Variants in DMRT1 observed in about 807,000 individuals in gnomAD.
The protein encoded by DMRT1 is doublesex- and mab-3-related transcription factor 1.
Under a neutral mutation model 32.3 loss-of-function variants are expected in DMRT1, and 7 were observed. That is an observed-to-expected ratio of 0.22 (90% CI 0.12 to 0.41). The LOEUF (loss-of-function observed/expected upper bound fraction) is 0.41. Ranked by LOEUF, DMRT1 falls within the 10% of genes least tolerant of loss-of-function variation. DMRT1 has a pLI of 1.00. For synonymous variants in DMRT1, 278 were observed against 206.1 expected (o/e 1.35, Z -2.99); for missense variants, 625 against 500.5 (o/e 1.25, Z -2.37).
chr9:935,202 T>A (rs1288650214), intron 4 of DMRT1, among the ~76,000 whole-genome samples: 1 of 152,196 alleles, frequency 6.6e-6, no homozygotes, highest in African/African-American at 2.4e-5. Flanking sequence ...TGTAGCTGCT[T>A]ATATGTAAGA....
At chr9:864,779 C>CGT in intron 2 of DMRT1, among the ~76,000 whole-genome samples, 1 of 152,234 alleles carries the variant, frequency 6.6e-6, no homozygotes, top group South Asian at 2.1e-4. Flanking sequence ...GGATTACAGG[C>CGT]GTGAGCCACC....
chr9:854,068 C>T (rs903319859), intron 2 of DMRT1, among the ~76,000 whole-genome samples: 1 of 151,810 alleles, frequency 6.6e-6, no homozygotes, highest in African/African-American at 2.4e-5. Flanking sequence ...TGCTTCAGCT[C>T]CCAAAGTGCT....
intron 2 of DMRT1, among the ~76,000 whole-genome samples, chr9:862,794 C>G (rs190979836): frequency 1.1e-4 from 16 of 152,202 alleles, no homozygotes; most frequent in Non-Finnish European, 1.8e-4. Context: ...GCAGCCAGCA[C>G]TAGGTGGTTG....
chr9:919,906 A>G (rs781131673), intron 4 of DMRT1, among the ~76,000 whole-genome samples: 1 of 152,206 alleles, frequency 6.6e-6, no homozygotes, highest in African/African-American at 2.4e-5. Flanking sequence ...AGAGGAGTGA[A>G]GGATGACTCC....
chr9:847,596 T>G lies in DMRT1; in HGVS notation c.538+453T>G, dbSNP rs117332670. On this transcript the variant is annotated intron_variant, in intron 2 of 4. Coordinates refer to ENST00000382276, the MANE Select transcript of DMRT1 (RefSeq NM_021951.3). ...AGTAACACCGGAAGGAAGGCCACGTTGGCTTGAATTCTCTCCCCTGGGTGC... is the reference window on the plus strand; with the variant it reads ...AGTAACACCGGAAGGAAGGCCACGTGGGCTTGAATTCTCTCCCCTGGGTGC... Among the ~76,000 whole-genome samples, 80 of 152,342 alleles carry G rather than the reference T, an allele frequency of 5.3e-4. No homozygotes were observed. The East Asian group carries it at 0.014, about 28-fold the overall frequency.
chr9:915,538 G>T (rs1035347704), intron 3 of DMRT1, among the ~76,000 whole-genome samples: 1 of 151,980 alleles, frequency 6.6e-6, no homozygotes, highest in Non-Finnish European at 1.5e-5. Context: ...ACTGCCTTCC[G>T]AGTTTTGCTC....
At chr9:924,457 A>G (rs533314267) in intron 4 of DMRT1, among the ~76,000 whole-genome samples, 6 of 152,326 alleles carry the variant, frequency 3.9e-5, no homozygotes, top group African/African-American at 1.4e-4. Flanking sequence ...TGGATCACAT[A>G]AGGAATTATG....
rs144149472 is a variant in DMRT1, at chr9:898,215, G to A, written c.822+4020G>A. On this transcript the variant is annotated intron_variant, in intron 3 of 4. Transcript: ENST00000382276. ...GCTCACTGCAACCTCCACCTCCCAG[G>A]TTCAAGTGATTCCTGTGCCTCAGCC... 5.6e-3 allele frequency among the ~76,000 whole-genome samples: 845 copies of A among 152,118 alleles called. 5 individuals carry two copies. Among genetic ancestry groups the A allele is most frequent in the Non-Finnish European group, 9.1e-3 (618 of 67,990 alleles).
chr9:842,045 G>A lies in DMRT1; in HGVS notation c.207G>A (p.Lys69=). The A allele has an allele frequency of 6.5e-7, 1 of 1,545,958 alleles. No individual in the cohort carries two copies. Among genetic ancestry groups the A allele is most frequent in the South Asian group, 1.2e-5 (1 of 84,584 alleles). ...CGGACCTGGGTGCCGGGAGCAAGAA[G>A]TCCCCGCGGCTGCCCAAGTGCGCAC... The part of the protein sequence containing the change: ...GASDLGAGSK[K]SPRLPKCARC... Residue 69 remains lysine, a synonymous_variant, in exon 1 of 5, where the codon AAG becomes AAA. Transcript: ENST00000382276.
At chr9:939,770 A>C (rs1424368894) in intron 4 of DMRT1, among the ~76,000 whole-genome samples, 1 of 152,210 alleles carries the variant, frequency 6.6e-6, no homozygotes, top group Non-Finnish European at 1.5e-5. Context: ...GAAGTTTTAT[A>C]GTTTCTTTCA....
chr9:935,952 C>A (rs1818872007), intron 4 of DMRT1, among the ~76,000 whole-genome samples: 2 of 152,176 alleles, frequency 1.3e-5, no homozygotes, highest in African/African-American at 4.8e-5. Flanking sequence ...TATCCCCACC[C>A]TCCCATAAGT....
intron 4 of DMRT1, among the ~76,000 whole-genome samples, chr9:967,748 A>T (rs754694639): frequency 6.6e-6 from 1 of 152,216 alleles, no homozygotes; most frequent in Non-Finnish European, 1.5e-5. Context: ...GAACTCTGCT[A>T]TCTAGCTTAC....
intron 2 of DMRT1, among the ~76,000 whole-genome samples, chr9:876,562 G>T (rs192463926): frequency 5.5e-4 from 82 of 149,594 alleles, no homozygotes; most frequent in African/African-American, 1.9e-3. Context: ...ACAGAGTCTT[G>T]CCCTATCATC....
intron 3 of DMRT1, among the ~76,000 whole-genome samples, chr9:897,871 C>G (rs576315815): frequency 6.6e-6 from 1 of 151,968 alleles, no homozygotes; most frequent in Non-Finnish European, 1.5e-5. Flanking sequence ...GAATATGGAC[C>G]AAGTATGAAT....
intron 2 of DMRT1, among the ~76,000 whole-genome samples, chr9:882,012 G>C (rs1816753624): frequency 6.6e-6 from 1 of 152,218 alleles, no homozygotes. Flanking sequence ...TGGAGGGTCA[G>C]AGAAATGGCA....
intron 3 of DMRT1, among the ~76,000 whole-genome samples, chr9:908,667 CT>C (rs60843148): frequency 0.034 from 5,181 of 150,666 alleles, 220 homozygotes; most frequent in East Asian, 0.17. Context: ...TCCTTTGGTT[CT>C]TTTTTTTTGA....
chr9:857,490 G>A (rs1437750390), intron 2 of DMRT1, among the ~76,000 whole-genome samples: 3 of 152,106 alleles, frequency 2.0e-5, no homozygotes, highest in African/African-American at 7.2e-5. Context: ...TTATTGGTTG[G>A]TAGAAATATT....
rs111518534 is a variant in DMRT1, at chr9:902,059, A to G, written c.822+7864A>G. On this transcript the variant is annotated intron_variant, in intron 3 of 4. Transcript: ENST00000382276. ...TGAGTAGCTGGGATTACAGGCGTGCACCACCACGCCCAGCTAATTTTTGTA... is the reference window on the plus strand; with the variant it reads ...TGAGTAGCTGGGATTACAGGCGTGCGCCACCACGCCCAGCTAATTTTTGTA... 1.8e-3 allele frequency among the ~76,000 whole-genome samples: 264 copies of G among 149,974 alleles called. 1 individual carries two copies. Among genetic ancestry groups the G allele is most frequent in the African/African-American group, 6.2e-3 (253 of 40,836 alleles).
intron 3 of DMRT1, among the ~76,000 whole-genome samples, chr9:915,697 C>T (rs2129768601): frequency 6.6e-6 from 1 of 152,078 alleles, no homozygotes; most frequent in South Asian, 2.1e-4. Flanking sequence ...ACATGGTTTG[C>T]ATGTTGTTTT....
Sources: gnomAD v4.1 joint callset for allele counts (sites outside exome capture counted in the v4.1 genomes callset) on GRCh38, gnomAD v4.1.1 for gene constraint, MANE v1.5 for transcripts, NCBI Gene and HGNC (gene_info 2026-07-23, HGNC 2026-07-21) for gene names.